MRPS9: variants seen among roughly 807,000 people sequenced by gnomAD.
MRPS9 encodes small ribosomal subunit protein uS9m.
MRPS9 carries 45 observed loss-of-function variants against 59.9 expected under a neutral mutation model. The ratio of observed to expected loss-of-function variants is 0.75; its 90% CI spans 0.59 to 0.96. The LOEUF is 0.96. Ranked by LOEUF, MRPS9 falls within the 40% of genes least tolerant of loss-of-function variation. The pLI, the probability that MRPS9 is intolerant of heterozygous loss-of-function variation, is 0.00. For synonymous variants in MRPS9, 171 were observed against 166.8 expected (o/e 1.03, Z -0.19); for missense variants, 473 against 481.1 (o/e 0.98, Z 0.16).
Position 105,038,210 on chromosome 2 carries a change from A to G in MRPS9, c.118A>G (p.Thr40Ala). The G allele has an allele frequency of 6.2e-7, 1 of 1,612,384 alleles. No homozygotes were observed. Among genetic ancestry groups the G allele is most frequent in the Non-Finnish European group, 8.5e-7 (1 of 1,179,262 alleles). Reference protein sequence around the residue: ...LWKTAAPELQTNVRSQILRLR... With the variant: ...LWKTAAPELQANVRSQILRLR... ...GAAAACCGCGGCCCCTGAGTTGCAA[A>G]CAAATGTCAGATCCCAGGTAAGGCC... is the stretch of plus-strand genomic sequence containing the variant. Residue 40 changes from threonine (T) to alanine (A), a missense_variant, in exon 1 of 11, where the codon ACA (threonine) becomes GCA (alanine). Transcript: ENST00000258455.
intron 4 of MRPS9, among the ~76,000 whole-genome samples, chr2:105,073,523 A>T (rs1439286968): frequency 2.0e-5 from 3 of 152,194 alleles, no homozygotes; most frequent in African/African-American, 7.2e-5. Context: ...ATGCTAAAAA[A>T]GTAACAGTGA....
At chr2:105,048,644 TAA>T (rs1679652453) in intron 1 of MRPS9, among the ~76,000 whole-genome samples, 1 of 152,044 alleles carries the variant, frequency 6.6e-6, no homozygotes, top group Non-Finnish European at 1.5e-5. Context: ...GACCATGGAA[TAA>T]AGTCTTAAGC....
rs185057965 is a variant in MRPS9 at position 105,051,279 on chromosome 2, C to T, written c.315+1929C>T. ...TTTACATATGGACATTCAGTTGTTC[C>T]GGCATCATTTGTTGGAAAGACTATT... On this transcript the variant is annotated intron_variant, in intron 2 of 10. Coordinates refer to ENST00000258455, the MANE Select transcript of MRPS9 (RefSeq NM_182640.3). Among the ~76,000 whole-genome samples the T allele has an allele frequency of 9.2e-5, 14 of 152,206 alleles. No individual in the cohort carries two copies. In the East Asian group the frequency reaches 1.4e-3, roughly 15 times the overall value.
intron 2 of MRPS9, among the ~76,000 whole-genome samples, chr2:105,058,698 CAG>C (rs1373531752): frequency 7.0e-6 from 1 of 142,486 alleles, no homozygotes; most frequent in East Asian, 2.0e-4. Context: ...TTTTTCGAGA[CAG>C]AGTCTCTCTC....
chr2:105,097,354 G>A, intron 10 of MRPS9, 30 bp downstream of exon 10: 1 of 1,535,146 alleles, frequency 6.5e-7, no homozygotes, highest in Non-Finnish European at 8.8e-7. Context: ...GGGCATGGTG[G>A]CCCAATACTG....
At chr2:105,077,396 C>T (rs1680234658) in intron 4 of MRPS9, among the ~76,000 whole-genome samples, 1 of 152,106 alleles carries the variant, frequency 6.6e-6, no homozygotes, top group African/African-American at 2.4e-5. Flanking sequence ...TAAATAAACT[C>T]ATGCTGTGGA....
At chr2:105,087,800 T>TCCTTCC (rs1680477979) in intron 5 of MRPS9, among the ~76,000 whole-genome samples, 7 of 138,694 alleles carry the variant, frequency 5.0e-5, no homozygotes, top group Non-Finnish European at 9.3e-5. Flanking sequence ...TCCTGCCTTT[T>TCCTTCC]TTCCTTCCTT....
intron 2 of MRPS9, among the ~76,000 whole-genome samples, chr2:105,068,176 T>C (rs949437202): frequency 4.6e-5 from 7 of 152,338 alleles, no homozygotes; most frequent in African/African-American, 1.7e-4. Context: ...TAAAGTTCCA[T>C]TCCTTTATGC....
chr2:105,041,069 G>T (rs538003621), intron 1 of MRPS9, among the ~76,000 whole-genome samples: 69 of 152,262 alleles, frequency 4.5e-4, no homozygotes, highest in African/African-American at 1.6e-3. Flanking sequence ...GGAAAGTTTG[G>T]CAGGAATCAG....
chr2:105,056,695 G>GTTAA (rs1285062647), intron 2 of MRPS9, among the ~76,000 whole-genome samples: 2 of 152,140 alleles, frequency 1.3e-5, no homozygotes, highest in Non-Finnish European at 2.9e-5. Flanking sequence ...ACTTCAGAGG[G>GTTAA]TTAAGTTTGA....
chr2:105,065,306 A>C (rs890161660), intron 2 of MRPS9, among the ~76,000 whole-genome samples: 2 of 152,230 alleles, frequency 1.3e-5, no homozygotes, highest in African/African-American at 4.8e-5. Flanking sequence ...AGGAGAGTAC[A>C]TTATGAAATT....
chr2:105,059,834 C>T (rs1008916500), intron 2 of MRPS9, among the ~76,000 whole-genome samples: 4 of 151,994 alleles, frequency 2.6e-5, no homozygotes, highest in African/African-American at 9.7e-5. Flanking sequence ...GTGCCACACA[C>T]GTTCTGGGGC....
intron 7 of MRPS9, 43 bp from the exon 8 acceptor site, chr2:105,092,358 G>A (rs778069089): frequency 1.3e-6 from 2 of 1,498,722 alleles, no homozygotes; most frequent in Admixed American, 2.4e-5. Context: ...TTTAGCAAAT[G>A]CAATTACACT....
chr2:105,095,313 G>T (rs1340964187), intron 9 of MRPS9, among the ~76,000 whole-genome samples: 1 of 151,898 alleles, frequency 6.6e-6, no homozygotes, highest in African/African-American at 2.4e-5. Flanking sequence ...CACTTTCCTG[G>T]CTTAATTTTT....
chr2:105,050,866 A>G (rs73945006), intron 2 of MRPS9, among the ~76,000 whole-genome samples: 31,490 of 152,040 alleles, frequency 0.21, 3,341 homozygotes, highest in Middle Eastern at 0.35. Flanking sequence ...TTAGTGACTG[A>G]CTTGTTTCAC....
intron 2 of MRPS9, among the ~76,000 whole-genome samples, chr2:105,052,787 G>T (rs1679736481): frequency 2.0e-5 from 3 of 152,098 alleles, no homozygotes; most frequent in Admixed American, 6.6e-5. Context: ...TTTTTTAAAT[G>T]CTTACTTTTT....
chr2:105,083,269 A>G (rs1680384175), intron 5 of MRPS9, among the ~76,000 whole-genome samples: 1 of 152,212 alleles, frequency 6.6e-6, no homozygotes, highest in African/African-American at 2.4e-5. Flanking sequence ...CCGAGTTGTG[A>G]CTAGCCTAGG....
At chr2:105,060,833 C>T (rs191404006) in intron 2 of MRPS9, among the ~76,000 whole-genome samples, 65 of 151,296 alleles carry the variant, frequency 4.3e-4, no homozygotes, top group Admixed American at 1.8e-3. Flanking sequence ...AATATCGTGC[C>T]GGGTGCGGTG....
intron 1 of MRPS9, among the ~76,000 whole-genome samples, chr2:105,039,455 A>T (rs185089568): frequency 1.3e-5 from 2 of 152,138 alleles, no homozygotes; most frequent in East Asian, 3.9e-4. Flanking sequence ...TTGACATTTA[A>T]TGTATGTATT....
Sources: allele counts gnomAD v4.1 joint callset (sites outside exome capture counted in the v4.1 genomes callset), GRCh38; gene constraint gnomAD v4.1.1; transcripts MANE v1.5; gene names NCBI Gene and HGNC (gene_info 2026-07-23, HGNC 2026-07-21).